OIT3: variants seen among roughly 807,000 people sequenced by gnomAD.
The protein encoded by OIT3 is oncoprotein induced transcript 3.
OIT3 carries 41 observed loss-of-function variants against 52.2 expected under a neutral mutation model. That is an observed-to-expected ratio of 0.79 (90% CI 0.61 to 1.02). The LOEUF (loss-of-function observed/expected upper bound fraction) is 1.02. Ranked by LOEUF, OIT3 falls within the 50% of genes least tolerant of loss-of-function variation. The pLI, the probability that OIT3 is intolerant of heterozygous loss-of-function variation, is 0.00. For missense variants in OIT3, 634 were observed against 715.5 expected (o/e 0.89, Z 1.30); for synonymous variants, 244 against 276.9 (o/e 0.88, Z 1.18).
Position 72,932,475 on chromosome 10 carries a change from AG to A in OIT3, c.1592del (p.Gly531AlafsTer4). The A allele has an allele frequency of 6.2e-7, 1 of 1,613,842 alleles. No individual in the cohort carries two copies. Among genetic ancestry groups the A allele is most frequent in the Non-Finnish European group, 8.5e-7 (1 of 1,179,898 alleles). On this transcript the variant is annotated frameshift_variant, in exon 9 of 9. Coordinates refer to ENST00000334011, the MANE Select transcript of OIT3 (RefSeq NM_152635.3). LOFTEE classifies it high-confidence loss of function. ...GAGGEDSAGLQGQTLTGGPIR... is the reference protein window; with the variant it reads ...GAGGEDSAGLXGQTLTGGPIR... ...GGAGGAGAGGACTCAGCCGGTCTAC[AG>A]GGCCAGACGCTAACAGGCGGCCCGA...
rs1846231962 is a variant in OIT3, at chr10:72,932,875, A to T, written c.*351A>T. On this transcript the variant is annotated 3_prime_UTR_variant, in exon 9 of 9. Transcript: ENST00000334011. ...GCTGGGTATAATATTTCAAGTTACAAACCCTAGAAAAATTAAACAGTTACT... is the reference window on the plus strand; with the variant it reads ...GCTGGGTATAATATTTCAAGTTACATACCCTAGAAAAATTAAACAGTTACT... 5.1e-6 allele frequency: 1 copy of T among 194,680 alleles called. No individual in the cohort carries two copies. The highest frequency in any genetic ancestry group is 1.0e-5 in the Non-Finnish European group (1 of 96,628). The allele number at this position is 194,680 out of a possible 1,614,324, so 12.1% of individuals were successfully genotyped here. A position where few individuals can be genotyped will look rare whatever the true frequency, so the allele number is the denominator to read the frequency against.
intron 6 of OIT3, 65 bp from the exon 7 acceptor site, chr10:72,924,164 G>C: frequency 1.5e-6 from 2 of 1,373,206 alleles, no homozygotes; most frequent in East Asian, 2.3e-5. Flanking sequence ...GTGAGAGGAG[G>C]GGGAAAAAAA....
At chr10:72,901,135 G>A (rs1336520195) in intron 3 of OIT3, among the ~76,000 whole-genome samples, 1 of 151,660 alleles carries the variant, frequency 6.6e-6, no homozygotes, top group Non-Finnish European at 1.5e-5. Flanking sequence ...ATATAATTGG[G>A]TTATATAAAA....
At position 72,893,876 on chromosome 10, in the gene OIT3, G is replaced by T. The variant is rs1391648671; in HGVS notation, c.61+17G>T. On this transcript the variant is annotated intron_variant, in intron 1 of 8. Transcript: ENST00000334011. ...CACCCGTGGGTGAGTCTCATGTCAA[G>T]AACTTGGCACAATGCACTTTTTGTT... is the stretch of plus-strand genomic sequence containing the variant. The T allele has an allele frequency of 1.2e-6, 2 of 1,600,350 alleles. No individual in the cohort carries two copies. Among genetic ancestry groups the T allele is most frequent in the Admixed American group, 3.5e-5 (2 of 57,928 alleles).
chr10:72,913,807 T>C, intron 6 of OIT3: 1 of 385,052 alleles, frequency 2.6e-6, no homozygotes, highest in Non-Finnish European at 5.1e-6. Context: ...ACTAATACAG[T>C]TGGTGGTTCA....
chr10:72,909,898 G>A (rs1356704589), intron 4 of OIT3, among the ~76,000 whole-genome samples: 1 of 152,092 alleles, frequency 6.6e-6, no homozygotes, highest in Non-Finnish European at 1.5e-5. Flanking sequence ...CACCTGCCTT[G>A]GCCTCCCAAA....
At chr10:72,919,952 C>T (rs1846107608) in intron 6 of OIT3, among the ~76,000 whole-genome samples, 1 of 152,170 alleles carries the variant, frequency 6.6e-6, no homozygotes, top group South Asian at 2.1e-4. Context: ...CAGGATGATG[C>T]TGGCCTCATA....
At chr10:72,922,841 G>A (rs977601387) in intron 6 of OIT3, among the ~76,000 whole-genome samples, 3 of 152,022 alleles carry the variant, frequency 2.0e-5, no homozygotes, top group African/African-American at 7.2e-5. Flanking sequence ...AAACTTTGAT[G>A]TTGCTGACCT....
chr10:72,909,601 A>G (rs1297050667), intron 4 of OIT3, among the ~76,000 whole-genome samples: 1 of 151,590 alleles, frequency 6.6e-6, no homozygotes, highest in Non-Finnish European at 1.5e-5. Flanking sequence ...ATTTATTATT[A>G]TTAATTTTTT....
intron 7 of OIT3, among the ~76,000 whole-genome samples, chr10:72,925,923 A>G (rs888038807): frequency 2.0e-5 from 3 of 152,218 alleles, no homozygotes; most frequent in Admixed American, 2.0e-4. Context: ...CTTGTTTTAT[A>G]CAAAAGAGAG....
rs1846117299 is a variant in OIT3 at position 72,921,143 on chromosome 10, T to C, written c.952-3086T>C. On this transcript the variant is annotated intron_variant, in intron 6 of 8. Coordinates refer to ENST00000334011, the MANE Select transcript of OIT3 (RefSeq NM_152635.3). ...ATATATTTACGATAGTTAGCTCTTC[T>C]TGTTGAATTGAACCCTTTATCATTA... Among the ~76,000 whole-genome samples the C allele has an allele frequency of 2.0e-5, 3 of 152,368 alleles. No homozygotes were observed. In the South Asian group the frequency reaches 6.2e-4, roughly 32 times the overall value.
Position 72,893,741 on chromosome 10 carries a change from C to A in OIT3, c.-58C>A. On this transcript the variant is annotated 5_prime_UTR_variant, in exon 1 of 9. Coordinates refer to ENST00000334011, the MANE Select transcript of OIT3 (RefSeq NM_152635.3). Reference sequence around the variant, plus strand: ...AAAAAGTGCTTGAAAGAGAAGGGGACAAAGGAACACCAGTATTAAGAGGAT... The same window carrying A: ...AAAAAGTGCTTGAAAGAGAAGGGGAAAAAGGAACACCAGTATTAAGAGGAT... 6.8e-7 allele frequency: 1 copy of A among 1,461,274 alleles called. No individual in the cohort carries two copies. The highest frequency in any genetic ancestry group is 2.0e-5 in the Admixed American group (1 of 49,244). 90.5% of individuals were successfully genotyped at this position (1,461,274 alleles called of 1,614,324 possible).
At chr10:72,919,807 C>A (rs146616229) in intron 6 of OIT3, among the ~76,000 whole-genome samples, 1 of 152,062 alleles carries the variant, frequency 6.6e-6, no homozygotes, top group Non-Finnish European at 1.5e-5. Flanking sequence ...CCTACTTGAT[C>A]GTGGTGAATA....
intron 6 of OIT3, among the ~76,000 whole-genome samples, chr10:72,914,724 C>T (rs1174782984): frequency 2.0e-5 from 3 of 152,190 alleles, no homozygotes; most frequent in Admixed American, 1.3e-4. Flanking sequence ...AGGTCTAAAA[C>T]TCCTGAAAGA....
intron 6 of OIT3, among the ~76,000 whole-genome samples, chr10:72,915,550 G>T (rs961043854): frequency 6.6e-6 from 1 of 152,068 alleles, no homozygotes; most frequent in Non-Finnish European, 1.5e-5. Flanking sequence ...ATACATTATA[G>T]ATTCATTAAC....
chr10:72,898,108 C>G (rs1845892712), intron 1 of OIT3, among the ~76,000 whole-genome samples: 1 of 148,820 alleles, frequency 6.7e-6, no homozygotes, highest in Admixed American at 6.6e-5. Context: ...GATGCCAAAA[C>G]CCTATCTCTA....
chr10:72,894,635 T>G (rs1845857316), intron 1 of OIT3, among the ~76,000 whole-genome samples: 1 of 152,160 alleles, frequency 6.6e-6, no homozygotes, highest in Non-Finnish European at 1.5e-5. Flanking sequence ...TGCCAGCATT[T>G]GAGAGGCCAA....
intron 7 of OIT3, among the ~76,000 whole-genome samples, chr10:72,925,694 C>G (rs1197475608): frequency 3.3e-5 from 5 of 152,118 alleles, no homozygotes; most frequent in Non-Finnish European, 5.9e-5. Context: ...CTCACTGCAA[C>G]CTTGATCCTC....
intron 3 of OIT3, among the ~76,000 whole-genome samples, chr10:72,904,499 G>T (rs74145982): frequency 0.04 from 6,009 of 152,098 alleles, 388 homozygotes; most frequent in African/African-American, 0.13. Flanking sequence ...ATGAGGAAAG[G>T]GAAAGAAGGA....
Sources: gnomAD v4.1 joint callset for allele counts (sites outside exome capture counted in the v4.1 genomes callset) on GRCh38, gnomAD v4.1.1 for gene constraint, MANE v1.5 for transcripts, NCBI Gene and HGNC (gene_info 2026-07-23, HGNC 2026-07-21) for gene names.